The following TMEM39B variants were observed in gnomAD, a reference collection of about 807,000 sequenced individuals.
TMEM39B encodes transmembrane protein 39B.
Under a neutral mutation model 52.2 loss-of-function variants are expected in TMEM39B, and 23 were observed. That is an observed-to-expected ratio of 0.44 (90% CI 0.32 to 0.62). The LOEUF (loss-of-function observed/expected upper bound fraction) is 0.62, where lower values mean the gene tolerates loss of function less well. Ranked by LOEUF, TMEM39B falls within the 20% of genes least tolerant of loss-of-function variation. The pLI is 0.06. For synonymous variants in TMEM39B, 285 were observed against 264.0 expected, an observed-to-expected ratio of 1.08 and a Z score of -0.77; for missense variants, 547 against 642.0, an observed-to-expected ratio of 0.85 and a Z score of 1.60.
At chr1:32,079,679 A>T (rs1640013517) in intron 5 of TMEM39B, among the ~76,000 whole-genome samples, 1 of 152,076 alleles carries the variant, frequency 6.6e-6, no homozygotes, top group Non-Finnish European at 1.5e-5. Context: ...GACTATGGGC[A>T]TGCGCCATCA....
At chr1:32,080,717 T>C (rs1431596080) in intron 5 of TMEM39B, among the ~76,000 whole-genome samples, 1 of 151,810 alleles carries the variant, frequency 6.6e-6, no homozygotes. Flanking sequence ...TTTGACAGTT[T>C]ATGGTTACTA....
intron 5 of TMEM39B, among the ~76,000 whole-genome samples, chr1:32,082,518 A>C (rs968741472): frequency 6.6e-6 from 1 of 150,942 alleles, no homozygotes; most frequent in African/African-American, 2.4e-5. Context: ...GCAGTGTCAC[A>C]ATCTCAGCTC....
chr1:32,080,609 G>A (rs928535468), intron 5 of TMEM39B, among the ~76,000 whole-genome samples: 2 of 150,128 alleles, frequency 1.3e-5, no homozygotes, highest in African/African-American at 4.9e-5. Flanking sequence ...GGAGCTTGCA[G>A]TGAGCCAAGA....
chr1:32,074,104 G>T (rs1464299258), intron 1 of TMEM39B, among the ~76,000 whole-genome samples: 1 of 152,014 alleles, frequency 6.6e-6, no homozygotes, highest in African/African-American at 2.4e-5. Context: ...TGTGCGAAGT[G>T]GTGCGTGGGA....
At chr1:32,094,356 A>T (rs1350658065) in intron 6 of TMEM39B, among the ~76,000 whole-genome samples, 1 of 150,798 alleles carries the variant, frequency 6.6e-6, no homozygotes, top group Non-Finnish European at 1.5e-5. Context: ...CAAACTCCTG[A>T]TCTCGTGATC....
At chr1:32,078,491 A>G (rs1639958037) in intron 5 of TMEM39B, among the ~76,000 whole-genome samples, 1 of 152,178 alleles carries the variant, frequency 6.6e-6, no homozygotes, top group South Asian at 2.1e-4. Context: ...CTTTAAAAAA[A>G]AAAAACATTA....
chr1:32,091,145 T>G (rs536026080), intron 5 of TMEM39B, among the ~76,000 whole-genome samples: 29 of 152,250 alleles, frequency 1.9e-4, no homozygotes, highest in African/African-American at 7.0e-4. Context: ...TGCCTTGATC[T>G]TTGGTACCAA....
intron 6 of TMEM39B, 143 bp from the exon 7 acceptor site, chr1:32,094,641 T>C (rs1296846130): frequency 2.2e-6 from 2 of 913,284 alleles, no homozygotes; most frequent in South Asian, 1.7e-5. Flanking sequence ...GCCTTGTTTG[T>C]TGGGTGTTTG....
chr1:32,088,342 G>A (rs1640460054), intron 5 of TMEM39B, among the ~76,000 whole-genome samples: 1 of 151,490 alleles, frequency 6.6e-6, no homozygotes, highest in Non-Finnish European at 1.5e-5. Flanking sequence ...GTGTGAACCT[G>A]GGAGGCGGAG....
chr1:32,094,818 A>T lies in TMEM39B; in HGVS notation c.962A>T (p.Glu321Val). The T allele has an allele frequency of 6.2e-7, 1 of 1,614,216 alleles. No homozygotes were observed. Among genetic ancestry groups the T allele is most frequent in the Non-Finnish European group, 8.5e-7 (1 of 1,180,032 alleles). ...THYYDKRWSC[E>V]LFLLVSISTS... ...TACTATGACAAGCGCTGGTCCTGTG[A>T]ACTCTTCCTGCTGGTGTCCATCAGC... Residue 321 changes from glutamate (E) to valine (V), a missense_variant, in exon 7 of 9, where the codon GAA becomes GTA. Physicochemically the swap from Glu to Val is moderately radical, Grantham distance 121. Coordinates refer to ENST00000336294, the MANE Select transcript of TMEM39B (RefSeq NM_018056.4).
In TMEM39B at chr1:32,087,263, A is replaced by G. The variant is rs1640391098; in HGVS notation, c.591-4412A>G. Among the ~76,000 whole-genome samples, 3 of 144,390 alleles carry G rather than the reference A, an allele frequency of 2.1e-5. No individual in the cohort carries two copies. In the Admixed American group the frequency reaches 2.2e-4, roughly 11 times the overall value. The allele number at this position is 144,390 out of a possible 152,430, so 94.7% of individuals were successfully genotyped here. On this transcript the variant is annotated intron_variant, in intron 5 of 8. Transcript: ENST00000336294. ...AACCCGGGAGGGGGAGGTTGCAGTG[A>G]GCCGAGAATGCACGACTGTACTCCA...
intron 5 of TMEM39B, among the ~76,000 whole-genome samples, chr1:32,083,711 C>T (rs994562295): frequency 6.6e-6 from 1 of 152,044 alleles, no homozygotes. Context: ...TGTGAGCCAC[C>T]GTGCCCAGCC....
chr1:32,075,753 C>T lies in TMEM39B; in HGVS notation c.282C>T (p.Val94=). The stretch of plus-strand genomic sequence containing the variant: ...TCTGCCAGCTCATAGCACTCTTCGT[C>T]CACTACATCAACATCTACAAGACAG... ...LFFCQLIALF[V]HYINIYKTVW... Residue 94 remains valine, a synonymous_variant, in exon 3 of 9, where the codon GTC becomes GTT. Transcript: ENST00000336294. 2 of 1,551,268 alleles carry T rather than the reference C, an allele frequency of 1.3e-6. No homozygotes were observed. The highest frequency in any genetic ancestry group is 1.7e-6 in the Non-Finnish European group (2 of 1,146,706).
chr1:32,086,748 C>G (rs1003978527), intron 5 of TMEM39B, among the ~76,000 whole-genome samples: 2 of 150,710 alleles, frequency 1.3e-5, no homozygotes, highest in African/African-American at 4.9e-5. Flanking sequence ...GCCTGGGAAA[C>G]AGAGCCAGGC....
chr1:32,077,157 G>C lies in TMEM39B; in HGVS notation c.436-7G>C, dbSNP rs371321787. On this transcript the variant is annotated splice_polypyrimidine_tract_variant and splice_region_variant and intron_variant, in intron 4 of 8. Transcript: ENST00000336294. The stretch of plus-strand genomic sequence containing the variant: ...GCCCCATCCCGTCCTATCTTGCCCC[G>C]ACCCAGGCCTCTCAGAGGGGGAAGG... 5 of 1,613,762 alleles carry C rather than the reference G, an allele frequency of 3.1e-6. No homozygotes were observed. Among genetic ancestry groups the C allele is most frequent in the Admixed American group, 1.7e-5 (1 of 59,986 alleles).
intron 2 of TMEM39B, 115 bp from the exon 3 acceptor site, chr1:32,075,488 C>T (rs74845307): frequency 0.02 from 21,816 of 1,085,284 alleles, 299 homozygotes; most frequent in Middle Eastern, 0.026. Context: ...TTAGGAAGAC[C>T]CCGTCCTTGC....
chr1:32,093,795 T>C (rs960658227), intron 6 of TMEM39B, among the ~76,000 whole-genome samples: 1 of 151,240 alleles, frequency 6.6e-6, no homozygotes, highest in African/African-American at 2.4e-5. Flanking sequence ...AGGTGGTTCA[T>C]GGTTGCTTTT....
chr1:32,097,698 G>T (rs1379632746), intron 7 of TMEM39B, among the ~76,000 whole-genome samples: 1 of 151,596 alleles, frequency 6.6e-6, no homozygotes, highest in Non-Finnish European at 1.5e-5. Flanking sequence ...AGGCTGGAGT[G>T]CAGTGGTGTG....
At chr1:32,091,092 T>C (rs1640585351) in intron 5 of TMEM39B, among the ~76,000 whole-genome samples, 1 of 152,176 alleles carries the variant, frequency 6.6e-6, no homozygotes, top group African/African-American at 2.4e-5. Context: ...TTGTCCTCTG[T>C]GTACACTTTT....
Sources: gnomAD v4.1 joint callset for allele counts (sites outside exome capture counted in the v4.1 genomes callset) on GRCh38, gnomAD v4.1.1 for gene constraint, MANE v1.5 for transcripts, NCBI Gene and HGNC (gene_info 2026-07-23, HGNC 2026-07-21) for gene names.